SNX24: variants seen among roughly 807,000 people sequenced by gnomAD.
The protein encoded by SNX24 is sorting nexin 24, also known as sorting nexin-24.
Under a neutral mutation model 28.7 loss-of-function variants are expected in SNX24, and 22 were observed. The ratio of observed to expected loss-of-function variants is 0.77; its 90% CI spans 0.55 to 1.10. The LOEUF (loss-of-function observed/expected upper bound fraction) is 1.10. Ranked by LOEUF, SNX24 falls within the 50% of genes least tolerant of loss-of-function variation. The pLI is 0.00. For missense variants in SNX24, 221 were observed against 201.1 expected (o/e 1.10, Z -0.60); for synonymous variants, 69 against 71.5 (o/e 0.96, Z 0.18).
At chr5:122,923,813 C>T (rs772047322) in intron 1 of SNX24, among the ~76,000 whole-genome samples, 1 of 152,220 alleles carries the variant, frequency 6.6e-6, no homozygotes. Context: ...CAAGAAAATT[C>T]GCATCCACCC....
intron 3 of SNX24, among the ~76,000 whole-genome samples, chr5:122,978,505 C>A (rs533258815): frequency 6.6e-6 from 1 of 152,308 alleles, no homozygotes; most frequent in African/African-American, 2.4e-5. Flanking sequence ...CTAGAATTCA[C>A]AGTTCAGCTG....
Position 122,962,703 on chromosome 5 carries a change from G to C in SNX24, c.249+16544G>C, listed in dbSNP as rs538644204. ...ATATCAAAAATAGGTATTTCATGGAGAGGGATTTGTGTGAGAGAAGGGAAT... is the reference window on the plus strand; with the variant it reads ...ATATCAAAAATAGGTATTTCATGGACAGGGATTTGTGTGAGAGAAGGGAAT... On this transcript the variant is annotated intron_variant, in intron 3 of 6. Coordinates refer to ENST00000261369, the MANE Select transcript of SNX24 (RefSeq NM_014035.4). Among the ~76,000 whole-genome samples, 15 of 152,350 alleles carry C rather than the reference G, an allele frequency of 9.8e-5. 1 individual carries two copies. The East Asian group carries it at 2.7e-3, about 27-fold the overall frequency.
At chr5:122,861,381 G>C (rs1386416857) in intron 1 of SNX24, among the ~76,000 whole-genome samples, 1 of 152,120 alleles carries the variant, frequency 6.6e-6, no homozygotes, top group Non-Finnish European at 1.5e-5. Context: ...GCCCTGCGAA[G>C]TATTACTACT....
At chr5:122,947,051 A>T (rs1436006374) in intron 3 of SNX24, among the ~76,000 whole-genome samples, 2 of 152,312 alleles carry the variant, frequency 1.3e-5, no homozygotes, top group East Asian at 3.9e-4. Context: ...GATGGAGTGA[A>T]CATGGCTGGG....
chr5:122,980,944 A>C (rs926653022), intron 3 of SNX24, among the ~76,000 whole-genome samples: 1 of 152,082 alleles, frequency 6.6e-6, no homozygotes, highest in Admixed American at 6.6e-5. Context: ...GCTTTGTCCC[A>C]TACAAATGAG....
intron 1 of SNX24, among the ~76,000 whole-genome samples, chr5:122,927,459 G>A (rs1217725617): frequency 6.6e-6 from 1 of 152,046 alleles, no homozygotes; most frequent in Non-Finnish European, 1.5e-5. Flanking sequence ...TCTGAAAAGG[G>A]GATTTTGGGG....
intron 3 of SNX24, among the ~76,000 whole-genome samples, chr5:122,953,912 G>T (rs1561649670): frequency 6.6e-6 from 1 of 152,132 alleles, no homozygotes; most frequent in Non-Finnish European, 1.5e-5. Flanking sequence ...CAGTTTATTT[G>T]TAGAGAACAC....
At chr5:123,001,098 T>C (rs1762228077) in intron 4 of SNX24, among the ~76,000 whole-genome samples, 1 of 152,272 alleles carries the variant, frequency 6.6e-6, no homozygotes, top group Non-Finnish European at 1.5e-5. Context: ...TATGTTTATG[T>C]ATTTTTTAGA....
chr5:123,029,126 T>C, intron 5 of SNX24: 5 of 1,196,948 alleles, frequency 4.2e-6, no homozygotes, highest in Non-Finnish European at 4.6e-6. Context: ...TTTCTCCCAA[T>C]TTCCAGAAGC....
intron 1 of SNX24, among the ~76,000 whole-genome samples, chr5:122,889,487 T>A (rs1036208426): frequency 2.0e-5 from 3 of 151,884 alleles, no homozygotes; most frequent in Non-Finnish European, 1.5e-5. Context: ...ATTTTCAGAT[T>A]AGGGATACTC....
chr5:122,962,892 A>G (rs994072290), intron 3 of SNX24, among the ~76,000 whole-genome samples: 1 of 152,144 alleles, frequency 6.6e-6, no homozygotes, highest in East Asian at 1.9e-4. Flanking sequence ...ATTAAGTTCA[A>G]TGACCTCACC....
chr5:122,871,219 G>A (rs1054817257), intron 1 of SNX24, among the ~76,000 whole-genome samples: 3 of 152,106 alleles, frequency 2.0e-5, no homozygotes, highest in African/African-American at 7.2e-5. Context: ...TTCAAGTTTT[G>A]TCCCCAGAGA....
At chr5:122,932,999 A>G (rs1759027533) in intron 1 of SNX24, among the ~76,000 whole-genome samples, 1 of 152,020 alleles carries the variant, frequency 6.6e-6, no homozygotes. Flanking sequence ...ATCTGGCAAC[A>G]TTTTTGGTAA....
At chr5:122,860,040 T>G (rs990209570) in intron 1 of SNX24, among the ~76,000 whole-genome samples, 4 of 152,200 alleles carry the variant, frequency 2.6e-5, no homozygotes, top group Non-Finnish European at 5.9e-5. Flanking sequence ...CAGATCTTAG[T>G]TAATCTCTTT....
chr5:122,896,010 G>A (rs766186091), intron 1 of SNX24, among the ~76,000 whole-genome samples: 3 of 151,968 alleles, frequency 2.0e-5, no homozygotes, highest in Non-Finnish European at 2.9e-5. Flanking sequence ...TTATCTGGGT[G>A]TGGTGGCATG....
intron 5 of SNX24, among the ~76,000 whole-genome samples, chr5:123,028,299 AAT>A (rs1171397006): frequency 6.6e-6 from 1 of 152,174 alleles, no homozygotes; most frequent in African/African-American, 2.4e-5. Flanking sequence ...CTGTTTTGTC[AAT>A]ATGATGAAAG....
At chr5:122,908,208 A>G (rs982875862) in intron 1 of SNX24, among the ~76,000 whole-genome samples, 1 of 152,186 alleles carries the variant, frequency 6.6e-6, no homozygotes, top group African/African-American at 2.4e-5. Context: ...CTGTGATACA[A>G]CCTCATCTGT....
intron 3 of SNX24, among the ~76,000 whole-genome samples, chr5:122,972,825 C>T (rs1227408500): frequency 6.6e-6 from 1 of 152,174 alleles, no homozygotes; most frequent in African/African-American, 2.4e-5. Context: ...GCTGGCTGAT[C>T]ACCCCAAGGA....
intron 2 of SNX24, among the ~76,000 whole-genome samples, chr5:122,944,338 T>C (rs1759585595): frequency 6.6e-6 from 1 of 152,216 alleles, no homozygotes; most frequent in Admixed American, 6.5e-5. Context: ...GTACACATAT[T>C]GGTAACTCTG....
Sources: allele counts gnomAD v4.1 joint callset (sites outside exome capture counted in the v4.1 genomes callset), GRCh38; gene constraint gnomAD v4.1.1; transcripts MANE v1.5; gene names NCBI Gene and HGNC (gene_info 2026-07-23, HGNC 2026-07-21).